Variants in TRAPPC9 observed in about 807,000 individuals in gnomAD.
TRAPPC9 encodes the protein IKK2 binding protein.
Under a neutral mutation model 124.0 loss-of-function variants are expected in TRAPPC9, and 83 were observed. The ratio of observed to expected loss-of-function variants is 0.67; its 90% CI spans 0.56 to 0.80. The LOEUF (loss-of-function observed/expected upper bound fraction) is 0.80. Ranked by LOEUF, TRAPPC9 falls within the 30% of genes least tolerant of loss-of-function variation. The pLI is 0.00. For synonymous variants in TRAPPC9, 638 were observed against 617.5 expected (o/e 1.03, Z -0.49); for missense variants, 1,302 against 1,508.3 (o/e 0.86, Z 2.27).
intron 21 of TRAPPC9, among the ~76,000 whole-genome samples, chr8:139,764,516 C>T (rs1225006140): frequency 6.6e-6 from 1 of 152,196 alleles, no homozygotes; most frequent in African/African-American, 2.4e-5. Context: ...AATTCATTCC[C>T]CTCTAGTGCC....
chr8:139,928,446 GGC>G (rs887823246), intron 19 of TRAPPC9, among the ~76,000 whole-genome samples: 7 of 151,798 alleles, frequency 4.6e-5, no homozygotes, highest in African/African-American at 1.7e-4. Context: ...GAGCCAAGAT[GGC>G]GCCACTGCAC....
chr8:139,936,382 A>T (rs932277564), intron 19 of TRAPPC9, among the ~76,000 whole-genome samples: 3 of 152,242 alleles, frequency 2.0e-5, no homozygotes, highest in African/African-American at 7.2e-5. Context: ...GAACACAAGG[A>T]CAAAGGAAGC....
intron 21 of TRAPPC9, among the ~76,000 whole-genome samples, chr8:139,833,948 G>A (rs143902828): frequency 2.0e-5 from 3 of 152,328 alleles, no homozygotes; most frequent in African/African-American, 7.2e-5. Flanking sequence ...TGCCTTGGCG[G>A]TGGAGGAAAC....
chr8:139,757,985 C>T (rs919937327), intron 21 of TRAPPC9, among the ~76,000 whole-genome samples: 1 of 152,206 alleles, frequency 6.6e-6, no homozygotes, highest in Non-Finnish European at 1.5e-5. Flanking sequence ...TGCCGAGTGG[C>T]CTCATTTTTT....
At chr8:139,808,584 T>G (rs1824223719) in intron 21 of TRAPPC9, among the ~76,000 whole-genome samples, 1 of 152,192 alleles carries the variant, frequency 6.6e-6, no homozygotes, top group Non-Finnish European at 1.5e-5. Context: ...CATGTACCCC[T>G]AAAAAGCAAC....
chr8:139,841,350 G>T (rs1293779003), intron 21 of TRAPPC9, among the ~76,000 whole-genome samples: 1 of 152,216 alleles, frequency 6.6e-6, no homozygotes, highest in East Asian at 1.9e-4. Flanking sequence ...CTGGGGTTGG[G>T]TTGTGGACAT....
intron 19 of TRAPPC9, among the ~76,000 whole-genome samples, chr8:139,963,352 T>G (rs2614731): frequency 0.37 from 56,371 of 152,088 alleles, 11,756 homozygotes; most frequent in Non-Finnish European, 0.47. Flanking sequence ...CTAGGAAGGT[T>G]AGATTTAACC....
intron 17 of TRAPPC9, chr8:140,098,304 G>A (rs1239912513): frequency 6.6e-6 from 1 of 152,174 alleles, no homozygotes; most frequent in African/African-American, 2.4e-5. Context: ...CTACCACAGG[G>A]GAAGACACCC....
At chr8:139,871,005 G>A (rs570213549) in intron 21 of TRAPPC9, among the ~76,000 whole-genome samples, 6 of 152,298 alleles carry the variant, frequency 3.9e-5, no homozygotes, top group East Asian at 1.9e-4. Context: ...ACACTTACTC[G>A]CTGGTGGTCA....
At chr8:140,109,152 G>A (rs946657831) in intron 17 of TRAPPC9, among the ~76,000 whole-genome samples, 3 of 152,078 alleles carry the variant, frequency 2.0e-5, no homozygotes, top group Non-Finnish European at 1.5e-5. Flanking sequence ...AAGGGAAGGC[G>A]AGGTCGACAC....
chr8:140,410,919 G>T (rs2069685929), intron 5 of TRAPPC9, among the ~76,000 whole-genome samples: 1 of 151,580 alleles, frequency 6.6e-6, no homozygotes, highest in African/African-American at 2.4e-5. Flanking sequence ...AAGGAAAAAA[G>T]ATTTTAAAAA....
intron 17 of TRAPPC9, among the ~76,000 whole-genome samples, chr8:140,187,378 C>T (rs1332802816): frequency 1.3e-5 from 2 of 152,152 alleles, no homozygotes; most frequent in East Asian, 3.8e-4. Context: ...ATCTGAAATG[C>T]TCCAAAATTT....
intron 19 of TRAPPC9, among the ~76,000 whole-genome samples, chr8:139,913,150 C>T (rs1459548195): frequency 6.6e-6 from 1 of 152,222 alleles, no homozygotes; most frequent in Non-Finnish European, 1.5e-5. Flanking sequence ...ATCTTTCAAA[C>T]AATTTCTGGT....
At chr8:139,824,703 G>A (rs1825500536) in intron 21 of TRAPPC9, among the ~76,000 whole-genome samples, 1 of 152,120 alleles carries the variant, frequency 6.6e-6, no homozygotes, top group East Asian at 1.9e-4. Context: ...TGGGACTATA[G>A]GCAAGTACCA....
intron 9 of TRAPPC9, among the ~76,000 whole-genome samples, chr8:140,352,012 C>T (rs2067597800): frequency 6.6e-6 from 1 of 152,202 alleles, no homozygotes; most frequent in Non-Finnish European, 1.5e-5. Context: ...TACCCTTTAG[C>T]CATCGCCCCC....
chr8:140,348,812 G>T (rs1279137685), intron 9 of TRAPPC9, among the ~76,000 whole-genome samples: 1 of 152,110 alleles, frequency 6.6e-6, no homozygotes, highest in African/African-American at 2.4e-5. Context: ...AAAGGCATGA[G>T]GCCGAGGGGA....
chr8:140,053,085 G>A (rs1290797035), intron 17 of TRAPPC9, among the ~76,000 whole-genome samples: 2 of 152,228 alleles, frequency 1.3e-5, no homozygotes, highest in African/African-American at 4.8e-5. Context: ...AATGAATGTA[G>A]GAGGAATTAT....
In TRAPPC9 at chr8:140,211,881, C is replaced by T. The variant is rs1205630438; in HGVS notation, c.2556+9578G>A. On this transcript the variant is annotated intron_variant, in intron 17 of 22. Coordinates refer to ENST00000438773, the MANE Select transcript of TRAPPC9 (RefSeq NM_001160372.4). ...ACGAGGCGCTTACAGTGATGGGGAGCTCAGCAATATAAGCAAAGGACAACA... is the reference window on the plus strand; with the variant it reads ...ACGAGGCGCTTACAGTGATGGGGAGTTCAGCAATATAAGCAAAGGACAACA... Among the ~76,000 whole-genome samples, 4 of 152,186 alleles carry T rather than the reference C, an allele frequency of 2.6e-5. No homozygotes were observed. The South Asian group carries it at 8.3e-4, about 32-fold the overall frequency.
rs533383359 is a variant in TRAPPC9 at position 140,042,591 on chromosome 8, G to A, written c.2557-18512C>T. ...TTTACCCCAGGACACCTGGTCTTTA[G>A]GGAGCCTAGCTGACCTCCTTCACCT... On this transcript the variant is annotated intron_variant, in intron 17 of 22. Transcript: ENST00000438773. Among the ~76,000 whole-genome samples the A allele has an allele frequency of 2.5e-3, 378 of 152,322 alleles. 1 individual carries two copies. Among genetic ancestry groups the A allele is most frequent in the Non-Finnish European group, 4.3e-3 (292 of 68,022 alleles).
Sources: gnomAD v4.1 joint callset for allele counts (sites outside exome capture counted in the v4.1 genomes callset) on GRCh38, gnomAD v4.1.1 for gene constraint, MANE v1.5 for transcripts, NCBI Gene and HGNC (gene_info 2026-07-23, HGNC 2026-07-21) for gene names.